C1QTNF2: variants seen among roughly 807,000 people sequenced by gnomAD.
C1QTNF2 encodes the protein complement C1q tumor necrosis factor-related protein 2.
A neutral mutation model predicts 17.4 loss-of-function variants in C1QTNF2; 15 were observed. The observed-to-expected ratio is 0.86, with a 90% CI of 0.58 to 1.33. The LOEUF is 1.33. Ranked by LOEUF, C1QTNF2 falls within the 40% of genes most tolerant of loss-of-function variation. C1QTNF2 has a pLI of 0.00. For synonymous variants in C1QTNF2, 154 were observed against 163.3 expected (o/e 0.94, Z 0.44); for missense variants, 381 against 392.3 (o/e 0.97, Z 0.24).
chr5:160,348,067 A>T lies in C1QTNF2; in HGVS notation c.*1101T>A, dbSNP rs982102760. The T allele has an allele frequency of 1.3e-5, 2 of 152,348 alleles. No individual in the cohort carries two copies. Among genetic ancestry groups the T allele is most frequent in the Middle Eastern group, 3.4e-3 (1 of 294 alleles). The allele number at this position is 152,348 out of a possible 1,614,324, so 9.4% of individuals were successfully genotyped here. A position where few individuals can be genotyped will look rare whatever the true frequency, so the allele number is the denominator to read the frequency against. On this transcript the variant is annotated 3_prime_UTR_variant, in exon 3 of 3. Transcript: ENST00000652664. ...CTACCACATCCCGCCAGCACCTGGC[A>T]CTTTTACTGCAGCTTCTTAAGCCCC...
At chr5:160,354,689 T>C in intron 2 of C1QTNF2, 79 bp downstream of exon 2, 1 of 1,529,566 alleles carries the variant, frequency 6.5e-7, no homozygotes, top group South Asian at 1.2e-5. Context: ...ATACTAGTTT[T>C]ATTAACTTCA....
chr5:160,349,347 T>C lies in C1QTNF2; in HGVS notation c.679A>G (p.Thr227Ala), dbSNP rs1485228425. ...CCTGAGGCCACATCGTGGTTGCCGG[T>C]GTTGGCATCAAAGGTCCGGATGCGG... ...QYRIRTFDAN[T>A]GNHDVASGST... The change falls in exon 3 of 3, where the codon ACC becomes GCC. Residue 227 changes from threonine (T) to alanine (A), a missense_variant. Physicochemically the swap from Thr to Ala is moderately conservative, Grantham distance 58. Coordinates refer to ENST00000652664, the MANE Select transcript of C1QTNF2 (RefSeq NM_031908.6). This position sits in a 1 kb window ranked among gnomAD's most constrained non-coding sequence, Gnocchi z 4.3. 9.9e-6 allele frequency: 16 copies of C among 1,613,822 alleles called. No homozygotes were observed. The highest frequency in any genetic ancestry group is 1.4e-5 in the Non-Finnish European group (16 of 1,179,942).
At chr5:160,359,612 CTT>C in intron 1 of C1QTNF2, among the ~76,000 whole-genome samples, 1 of 152,308 alleles carries the variant, frequency 6.6e-6, no homozygotes, top group African/African-American at 2.4e-5. Context: ...TTTTCTCTCT[CTT>C]GGGGTGCTGG....
intron 1 of C1QTNF2, among the ~76,000 whole-genome samples, chr5:160,363,455 C>T (rs1275427853): frequency 6.6e-6 from 1 of 152,212 alleles, no homozygotes; most frequent in African/African-American, 2.4e-5. Flanking sequence ...CTGCTATTTT[C>T]TCTCTCCTCA....
rs1403566854 is a variant in C1QTNF2 at position 160,349,484 on chromosome 5, T to C, written c.542A>G (p.Asn181Ser). 4 of 1,614,010 alleles carry C rather than the reference T, an allele frequency of 2.5e-6. No homozygotes were observed. The highest frequency in any genetic ancestry group is 2.5e-6 in the Non-Finnish European group (3 of 1,180,002). The change falls in exon 3 of 3, where the codon AAT (asparagine) becomes AGT (serine). Residue 181 changes from asparagine (N) to serine (S), a missense_variant. Transcript: ENST00000652664. This position sits in a 1 kb window ranked among gnomAD's most constrained non-coding sequence, Gnocchi z 4.3. ...KILMNEGGHY[N>S]ASSGKFVCGV... ...GCAGACGAACTTGCCGCTGGAAGCA[T>C]TGTAGTGGCCACCCTCGTTCATCAG...
chr5:160,368,940 T>A (rs1025319755), intron 1 of C1QTNF2, among the ~76,000 whole-genome samples: 1 of 152,086 alleles, frequency 6.6e-6, no homozygotes, highest in African/African-American at 2.4e-5. Context: ...TGACACACTA[T>A]GCCCATTAGA....
chr5:160,364,433 C>T (rs1368908409), intron 1 of C1QTNF2, among the ~76,000 whole-genome samples: 1 of 152,234 alleles, frequency 6.6e-6, no homozygotes, highest in Non-Finnish European at 1.5e-5. Context: ...TAAGGCCTGG[C>T]ATATGGCAAG....
chr5:160,368,645 A>G (rs539501854), intron 1 of C1QTNF2, among the ~76,000 whole-genome samples: 1 of 152,274 alleles, frequency 6.6e-6, no homozygotes, highest in Admixed American at 6.5e-5. Context: ...CAGGCCTTTG[A>G]CCAGGAAGAA....
chr5:160,358,091 C>G (rs895801725), intron 1 of C1QTNF2, among the ~76,000 whole-genome samples: 1 of 152,236 alleles, frequency 6.6e-6, no homozygotes, highest in Non-Finnish European at 1.5e-5. Flanking sequence ...GGGGCAGGCC[C>G]CAGTGCCTGG....
At chr5:160,354,456 G>GT (rs1356271981) in intron 2 of C1QTNF2, among the ~76,000 whole-genome samples, 2 of 151,492 alleles carry the variant, frequency 1.3e-5, no homozygotes, top group East Asian at 3.9e-4. Context: ...GCATGCATCT[G>GT]TAATTCCAGC....
intron 1 of C1QTNF2, among the ~76,000 whole-genome samples, chr5:160,357,144 C>T (rs1156252038): frequency 6.6e-6 from 1 of 152,210 alleles, no homozygotes; most frequent in Admixed American, 6.5e-5. Flanking sequence ...TGTACCTCCC[C>T]TCCCTTCAAC....
chr5:160,353,347 T>C (rs1279433130), intron 2 of C1QTNF2, among the ~76,000 whole-genome samples: 2 of 152,216 alleles, frequency 1.3e-5, no homozygotes, highest in Non-Finnish European at 2.9e-5. Flanking sequence ...ATATAAGGAA[T>C]GTCACAACGG....
Position 160,354,767 on chromosome 5 carries a change from C to A in C1QTNF2, c.244+1G>T, listed in dbSNP as rs770698086. 24 of 1,613,556 alleles carry A rather than the reference C, an allele frequency of 1.5e-5. No homozygotes were observed. Among genetic ancestry groups the A allele is most frequent in the Non-Finnish European group, 2.0e-5 (24 of 1,179,934 alleles). ...GAGAGTGGCACGTATAGGCCTCTTA[C>A]CTTCCTCTCCGCTGTCCCCCCGGTC... On this transcript the variant is annotated splice_donor_variant, in intron 2 of 2. Transcript: ENST00000652664. LOFTEE classifies it high-confidence loss of function.
At position 160,349,925 on chromosome 5, in the gene C1QTNF2, G is replaced by A. The variant is rs1050423808; in HGVS notation, c.245-144C>T. 1.4e-5 allele frequency: 13 copies of A among 935,110 alleles called. No homozygotes were observed. In the African/African-American group the frequency reaches 2.0e-4, roughly 14 times the overall value. 57.9% of individuals were successfully genotyped at this position (935,110 alleles called of 1,614,324 possible). A position where few individuals can be genotyped will look rare whatever the true frequency, so the allele number is the denominator to read the frequency against. On this transcript the variant is annotated intron_variant, in intron 2 of 2. Coordinates refer to ENST00000652664, the MANE Select transcript of C1QTNF2 (RefSeq NM_031908.6). This position sits in a 1 kb window ranked among gnomAD's most constrained non-coding sequence, Gnocchi z 4.3. ...AGGCTTTGCAGACATATAGAAGTGG[G>A]TGTAAATCCTAATGCTAGCTCTCTG...
intron 1 of C1QTNF2, among the ~76,000 whole-genome samples, chr5:160,365,027 A>G (rs1764221491): frequency 6.6e-6 from 1 of 152,180 alleles, no homozygotes; most frequent in Non-Finnish European, 1.5e-5. Context: ...CTGCTCCTGT[A>G]GGGCCCACTC....
intron 2 of C1QTNF2, among the ~76,000 whole-genome samples, chr5:160,350,317 G>A (rs1763893421): frequency 6.6e-6 from 1 of 151,878 alleles, no homozygotes; most frequent in African/African-American, 2.4e-5. Context: ...TTCTATGCAG[G>A]AGTTAAAAAA....
In C1QTNF2 at chr5:160,349,416, C is replaced by T. The variant is rs1561820330; in HGVS notation, c.610G>A (p.Ala204Thr). Residue 204 changes from alanine to threonine, a missense_variant, in exon 3 of 3, where the codon GCC (alanine) becomes ACC (threonine). By Grantham distance (58) the Ala-to-Thr change is moderately conservative. Transcript: ENST00000652664. The surrounding 1 kb of genome is among the most constrained non-coding windows in gnomAD (Gnocchi z 4.3). ...AGGCCGATGGCCAGGTGCTTGTTGG[C>T]CAGCGTGATGTCGTAGGTGAAGTAG... Reference protein sequence around the residue: ...IYYFTYDITLANKHLAIGLVH... With the variant: ...IYYFTYDITLTNKHLAIGLVH... 1.9e-6 allele frequency: 3 copies of T among 1,614,014 alleles called. No individual in the cohort carries two copies. Among genetic ancestry groups the T allele is most frequent in the Non-Finnish European group, 1.7e-6 (2 of 1,180,002 alleles).
At chr5:160,350,515 G>A (rs986041031) in intron 2 of C1QTNF2, among the ~76,000 whole-genome samples, 2 of 152,034 alleles carry the variant, frequency 1.3e-5, no homozygotes, top group African/African-American at 4.8e-5. Context: ...ACCAGCCTGG[G>A]CAATGTAGCC....
chr5:160,358,687 C>T (rs1764096051), intron 1 of C1QTNF2, among the ~76,000 whole-genome samples: 1 of 152,212 alleles, frequency 6.6e-6, no homozygotes, highest in Non-Finnish European at 1.5e-5. Context: ...CTCAAGGAAC[C>T]ATCTAATCCA....
Sources: allele counts gnomAD v4.1 joint callset (sites outside exome capture counted in the v4.1 genomes callset), GRCh38; gene constraint gnomAD v4.1.1; non-coding constraint Gnocchi (gnomAD v3.1); transcripts MANE v1.5; gene names NCBI Gene and HGNC (gene_info 2026-07-23, HGNC 2026-07-21).